ABI3BP: variants seen among roughly 807,000 people sequenced by gnomAD.
ABI3BP encodes the protein ABI family member 3 binding protein, also known as target of Nesh-SH3.
In ABI3BP, 216 loss-of-function variants were observed where a neutral mutation model predicts 268.6. The observed-to-expected ratio is 0.80, with a 90% confidence interval of 0.72 to 0.90. The LOEUF (loss-of-function observed/expected upper bound fraction) is 0.90, where lower values mean the gene tolerates loss of function less well. Among genes scored for constraint, ABI3BP ranks in the 40% least tolerant of loss-of-function variants. The pLI, the probability that ABI3BP is intolerant of heterozygous loss-of-function variation, is 0.00. For synonymous variants in ABI3BP, 730 were observed against 730.0 expected, an observed-to-expected ratio of 1.00 and a Z score of 0.00; for missense variants, 2,090 against 2,182.4, an observed-to-expected ratio of 0.96 and a Z score of 0.84.
intron 1 of ABI3BP, among the ~76,000 whole-genome samples, chr3:100,947,804 G>A (rs1032529795): frequency 5.9e-5 from 9 of 151,992 alleles, no homozygotes; most frequent in South Asian, 2.1e-4. Context: ...AAAGAGTGGC[G>A]GATAAGGCAC....
intron 63 of ABI3BP, 101 bp from the exon 64 acceptor site, chr3:100,754,792 G>C (rs2095528261): frequency 1.0e-6 from 1 of 956,214 alleles, no homozygotes; most frequent in South Asian, 1.5e-5. Context: ...ACATCCCTTT[G>C]AAATTATGAC....
chr3:100,914,305 T>C (rs2057824211), intron 2 of ABI3BP: 1 of 286,314 alleles, frequency 3.5e-6, no homozygotes, highest in Admixed American at 3.8e-5. Flanking sequence ...CACACCCAGT[T>C]TGACAGAACA....
intron 31 of ABI3BP, among the ~76,000 whole-genome samples, chr3:100,830,914 G>C (rs965371781): frequency 2.0e-5 from 3 of 152,038 alleles, no homozygotes; most frequent in Admixed American, 6.6e-5. Context: ...ACCATGATTC[G>C]AATGAACACT....
chr3:100,902,806 T>G (rs1419652649), intron 2 of ABI3BP, 120 bp from the exon 3 acceptor site: 9 of 724,284 alleles, frequency 1.2e-5, no homozygotes, highest in Non-Finnish European at 2.1e-5. Context: ...CTCCAGGGAG[T>G]GAGAGGACCC....
rs374948114 is a variant in ABI3BP, at chr3:100,876,489, C to T, written c.745+23G>A. Reference sequence around the variant, plus strand: ...AGTATGTTAAAGATTGCTCTAAACACATTTCCAGAGCAGACAAATTACCTT... The same window carrying T: ...AGTATGTTAAAGATTGCTCTAAACATATTTCCAGAGCAGACAAATTACCTT... On this transcript the variant is annotated intron_variant, in intron 7 of 67. Coordinates refer to ENST00000471714, the MANE Select transcript of ABI3BP (RefSeq NM_001375547.2). 9 of 1,601,254 alleles carry T rather than the reference C, an allele frequency of 5.6e-6. No individual in the cohort carries two copies. The East Asian group carries it at 6.7e-5, about 12-fold the overall frequency.
Position 100,952,208 on chromosome 3 carries a change from T to C in ABI3BP, c.80-25727A>G, listed in dbSNP as rs139433404. On this transcript the variant is annotated intron_variant, in intron 1 of 67. Transcript: ENST00000471714. ...AGAAACATTTTAAGTTCACAATACA[T>C]ACTGTACAACATAGTGACTATAGTT... is the stretch of plus-strand genomic sequence containing the variant. Among the ~76,000 whole-genome samples the C allele has an allele frequency of 2.2e-3, 331 of 152,286 alleles. 1 individual carries two copies. The highest frequency in any genetic ancestry group is 3.3e-3 in the Non-Finnish European group (227 of 68,024).
intron 49 of ABI3BP, among the ~76,000 whole-genome samples, chr3:100,809,202 G>A (rs2097786768): frequency 6.6e-6 from 1 of 152,012 alleles, no homozygotes; most frequent in Admixed American, 6.6e-5. Context: ...GGGATTTAGA[G>A]CTCCCTTTGC....
chr3:100,851,790 T>G, intron 15 of ABI3BP, 85 bp downstream of exon 15: 1 of 1,201,912 alleles, frequency 8.3e-7, no homozygotes, highest in Non-Finnish European at 1.2e-6. Context: ...AGGATACAAT[T>G]TTCCACTCTG....
intron 14 of ABI3BP, among the ~76,000 whole-genome samples, chr3:100,855,354 T>C (rs1402166926): frequency 1.3e-5 from 2 of 152,266 alleles, no homozygotes; most frequent in Non-Finnish European, 2.9e-5. Flanking sequence ...AACCATTGCA[T>C]ATGATCAAGA....
intron 4 of ABI3BP, among the ~76,000 whole-genome samples, chr3:100,894,970 GAA>G (rs567268534): frequency 1.7e-5 from 1 of 58,430 alleles, no homozygotes. Context: ...AAAAAAAACA[GAA>G]AAAAAAAACA....
intron 1 of ABI3BP, among the ~76,000 whole-genome samples, chr3:100,969,568 T>A (rs1465815198): frequency 2.0e-5 from 3 of 152,164 alleles, no homozygotes; most frequent in African/African-American, 7.2e-5. Context: ...CAGAACAGCA[T>A]CTTGTTCCAA....
chr3:100,822,043 T>A (rs2098246893), intron 38 of ABI3BP, among the ~76,000 whole-genome samples: 1 of 152,156 alleles, frequency 6.6e-6, no homozygotes, highest in Non-Finnish European at 1.5e-5. Context: ...TATTTCTCCT[T>A]AATCTATATT....
At chr3:100,915,901 G>A (rs1362094876) in intron 2 of ABI3BP, among the ~76,000 whole-genome samples, 5 of 152,108 alleles carry the variant, frequency 3.3e-5, no homozygotes, top group African/African-American at 7.2e-5. Flanking sequence ...TGCTTCACTC[G>A]AATGCTCTGG....
At chr3:100,776,870 A>T (rs2096721185) in intron 59 of ABI3BP, among the ~76,000 whole-genome samples, 1 of 152,218 alleles carries the variant, frequency 6.6e-6, no homozygotes, top group Non-Finnish European at 1.5e-5. Context: ...CTTAAGGCAC[A>T]CAGCCTCACA....
In ABI3BP at chr3:100,981,531, T is replaced by A. The variant is rs189339490; in HGVS notation, c.79+11775A>T. ...TCAAACCAATCCAGTACCTGCAGAC[T>A]GACCAGACAGACTGCAGCAGGCATC... On this transcript the variant is annotated intron_variant, in intron 1 of 67. Coordinates refer to ENST00000471714, the MANE Select transcript of ABI3BP (RefSeq NM_001375547.2). Among the ~76,000 whole-genome samples the A allele has an allele frequency of 1.1e-4, 16 of 152,300 alleles. No individual in the cohort carries two copies. The East Asian group carries it at 3.1e-3, about 29-fold the overall frequency.
At chr3:100,842,964 T>C (rs558531754) in intron 20 of ABI3BP, among the ~76,000 whole-genome samples, 3 of 152,342 alleles carry the variant, frequency 2.0e-5, no homozygotes, top group Admixed American at 1.3e-4. Flanking sequence ...ATTCTTCTAC[T>C]TATACATTTC....
At chr3:100,958,265 T>G (rs1223899942) in intron 1 of ABI3BP, among the ~76,000 whole-genome samples, 2 of 152,038 alleles carry the variant, frequency 1.3e-5, no homozygotes, top group Non-Finnish European at 2.9e-5. Flanking sequence ...AAACAGTAAG[T>G]TGACTAAGAA....
intron 6 of ABI3BP, among the ~76,000 whole-genome samples, chr3:100,882,186 T>C (rs1251786394): frequency 6.6e-6 from 1 of 152,056 alleles, no homozygotes; most frequent in Non-Finnish European, 1.5e-5. Flanking sequence ...TTGCTTGAAA[T>C]CCAAAAAGCA....
intron 4 of ABI3BP, among the ~76,000 whole-genome samples, chr3:100,894,559 C>A (rs777816242): frequency 6.6e-6 from 1 of 152,040 alleles, no homozygotes; most frequent in Non-Finnish European, 1.5e-5. Flanking sequence ...TGAAGATACT[C>A]GCTTCTTACA....
Sources: gnomAD v4.1 joint callset for allele counts (sites outside exome capture counted in the v4.1 genomes callset) on GRCh38, gnomAD v4.1.1 for gene constraint, MANE v1.5 for transcripts, NCBI Gene and HGNC (gene_info 2026-07-23, HGNC 2026-07-21) for gene names.